MRPL47: variants seen among roughly 807,000 people sequenced by gnomAD.
MRPL47 encodes mitochondrial ribosomal protein L47.
A neutral mutation model predicts 34.0 loss-of-function variants in MRPL47; 31 were observed. The ratio of observed to expected loss-of-function variants is 0.91; its 90% CI spans 0.68 to 1.23. MRPL47 has a LOEUF of 1.23. MRPL47 is among the 50% of genes most tolerant of loss of function. The probability of loss-of-function intolerance (pLI) is 0.00; values close to 1 mark genes in which losing one functional copy is unlikely to be tolerated. For synonymous variants in MRPL47, 106 were observed against 101.6 expected (o/e 1.04, Z -0.26); for missense variants, 328 against 285.8 (o/e 1.15, Z -1.07).
intron 3 of MRPL47, among the ~76,000 whole-genome samples, chr3:179,599,376 A>C (rs989516627): frequency 5.9e-5 from 9 of 152,186 alleles, no homozygotes; most frequent in Admixed American, 5.2e-4. Flanking sequence ...ATGGAAGATA[A>C]ATAACATTTA....
intron 3 of MRPL47, among the ~76,000 whole-genome samples, chr3:179,600,378 T>C (rs1435025981): frequency 6.6e-6 from 1 of 152,022 alleles, no homozygotes; most frequent in African/African-American, 2.4e-5. Flanking sequence ...CGGTGGCTCA[T>C]GCCTATAATC....
chr3:179,600,075 C>T (rs1277018359), intron 3 of MRPL47, among the ~76,000 whole-genome samples: 2 of 151,030 alleles, frequency 1.3e-5, no homozygotes, highest in African/African-American at 4.9e-5. Flanking sequence ...GGGCTGAGAT[C>T]GTGCCATTGC....
At chr3:179,593,695 A>G in intron 5 of MRPL47, 70 bp downstream of exon 5, 1 of 1,450,300 alleles carries the variant, frequency 6.9e-7, no homozygotes. Context: ...TTTTTAAAAG[A>G]TATTGGGCAG....
intron 6 of MRPL47, among the ~76,000 whole-genome samples, chr3:179,592,115 G>A (rs1288501139): frequency 6.6e-6 from 1 of 152,162 alleles, no homozygotes; most frequent in African/African-American, 2.4e-5. Flanking sequence ...TTACAGGCAT[G>A]AGCCAACACG....
In MRPL47 at chr3:179,588,885, GA is replaced by G; in HGVS notation, c.739del (p.Ser247GlnfsTer18). 1 of 1,613,046 alleles carries G rather than the reference GA, an allele frequency of 6.2e-7. No individual in the cohort carries two copies. The highest frequency in any genetic ancestry group is 1.1e-5 in the South Asian group (1 of 90,940). ...KFPHLAEAQKSSLV is the reference protein window; with the variant it reads ...KFPHLAEAQKXSLV ...AGTTCAGACATCTTAGACAAGACTT[GA>G]CTTTTGGGCTTCAGCAAGATGTGGA... On this transcript the variant is annotated frameshift_variant, in exon 7 of 7. Coordinates refer to ENST00000476781, the MANE Select transcript of MRPL47 (RefSeq NM_020409.3). LOFTEE classifies it high-confidence loss of function.
At chr3:179,593,923 T>TCAA in intron 4 of MRPL47, 28 bp from the exon 5 acceptor site, 1 of 1,594,042 alleles carries the variant, frequency 6.3e-7, no homozygotes, top group Non-Finnish European at 8.5e-7. Flanking sequence ...AGATACAATT[T>TCAA]CAACAATCAT....
intron 4 of MRPL47, among the ~76,000 whole-genome samples, chr3:179,595,402 T>C (rs574432558): frequency 1.3e-5 from 2 of 152,308 alleles, no homozygotes; most frequent in South Asian, 4.1e-4. Context: ...CTTCACTAAA[T>C]GCCTTACAGT....
In MRPL47 at chr3:179,598,665, C is replaced by T. The variant is rs780799401; in HGVS notation, c.402+10G>A. The T allele has an allele frequency of 8.9e-6, 14 of 1,577,682 alleles. No homozygotes were observed. In the Middle Eastern group the frequency reaches 5.0e-4, roughly 56 times the overall value. The stretch of plus-strand genomic sequence containing the variant: ...ATGTATACCAGTCTCCAGCCTCTCC[C>T]AATCCTTACCTTATCTAACCGCTCT... On this transcript the variant is annotated intron_variant, in intron 4 of 6. Coordinates refer to ENST00000476781, the MANE Select transcript of MRPL47 (RefSeq NM_020409.3).
chr3:179,599,099 T>A (rs901184837), intron 3 of MRPL47, among the ~76,000 whole-genome samples: 1 of 151,876 alleles, frequency 6.6e-6, no homozygotes, highest in Admixed American at 6.6e-5. Flanking sequence ...AGCCTAGGAA[T>A]TTGAGGCTAT....
At chr3:179,598,429 C>CACACA in intron 4 of MRPL47, among the ~76,000 whole-genome samples, 1 of 118,838 alleles carries the variant, frequency 8.4e-6, no homozygotes, top group African/African-American at 3.1e-5. Flanking sequence ...CACACACAAA[C>CACACA]AAAAAAAAAA....
At chr3:179,598,324 T>C (rs1358487169) in intron 4 of MRPL47, among the ~76,000 whole-genome samples, 1 of 147,510 alleles carries the variant, frequency 6.8e-6, no homozygotes, top group Non-Finnish European at 1.5e-5. Flanking sequence ...GAGGTGGAGG[T>C]TGCAGTGAGC....
chr3:179,595,686 A>G (rs1278395372), intron 4 of MRPL47, among the ~76,000 whole-genome samples: 1 of 152,250 alleles, frequency 6.6e-6, no homozygotes, highest in Admixed American at 6.5e-5. Context: ...GATAGAAAGT[A>G]AATGGCTACC....
chr3:179,592,258 G>A (rs1434981417), intron 6 of MRPL47, among the ~76,000 whole-genome samples: 10 of 152,138 alleles, frequency 6.6e-5, no homozygotes, highest in Admixed American at 1.3e-4. Flanking sequence ...GCAGTGGCGC[G>A]ATCTCTGCTC....
In MRPL47 at chr3:179,598,772, C is replaced by T. The variant is rs765174641; in HGVS notation, c.306-1G>A. 1.3e-6 allele frequency: 2 copies of T among 1,595,890 alleles called. No individual in the cohort carries two copies. The highest frequency in any genetic ancestry group is 1.7e-6 in the Non-Finnish European group (2 of 1,164,202). On this transcript the variant is annotated splice_acceptor_variant, in intron 3 of 6. Transcript: ENST00000476781. LOFTEE classifies it high-confidence loss of function. Reference sequence around the variant, plus strand: ...GTTTCTTTCTTTCAGTAAGACATACCTATACAAAAGAACACAAACCTTGTG... The same window carrying T: ...GTTTCTTTCTTTCAGTAAGACATACTTATACAAAAGAACACAAACCTTGTG...
rs1360858521 is a variant in MRPL47, at chr3:179,588,318, CT to C, written c.*553del. On this transcript the variant is annotated 3_prime_UTR_variant, in exon 7 of 7. Transcript: ENST00000476781. ...ATTAATTACCAGTGGATTGGTAGAACTGCTTTTTATTGACTAGTAAAAGTTA... is the reference window on the plus strand; with the variant it reads ...ATTAATTACCAGTGGATTGGTAGAACGCTTTTTATTGACTAGTAAAAGTTA... The C allele has an allele frequency of 2.8e-5, 7 of 251,170 alleles. No homozygotes were observed. The highest frequency in any genetic ancestry group is 4.5e-5 in the Non-Finnish European group (6 of 134,014). The allele number at this position is 251,170 out of a possible 1,614,324, so 15.6% of individuals were successfully genotyped here.
At chr3:179,597,815 A>T (rs942599472) in intron 4 of MRPL47, among the ~76,000 whole-genome samples, 7 of 152,070 alleles carry the variant, frequency 4.6e-5, no homozygotes, top group East Asian at 1.9e-4. Context: ...TCTCAAAAAA[A>T]TAAAATAAAA....
chr3:179,602,118 G>A (rs572559347), intron 2 of MRPL47, among the ~76,000 whole-genome samples: 1 of 152,280 alleles, frequency 6.6e-6, no homozygotes, highest in African/African-American at 2.4e-5. Flanking sequence ...CCAAGACGGC[G>A]GGCATCACCT....
At chr3:179,591,990 G>A (rs1283481713) in intron 6 of MRPL47, among the ~76,000 whole-genome samples, 1 of 151,934 alleles carries the variant, frequency 6.6e-6, no homozygotes, top group Non-Finnish European at 1.5e-5. Context: ...ATGCTACCAT[G>A]GCCGGCTAAT....
intron 3 of MRPL47, among the ~76,000 whole-genome samples, chr3:179,600,248 T>G (rs1484930488): frequency 6.6e-6 from 1 of 152,244 alleles, no homozygotes; most frequent in Non-Finnish European, 1.5e-5. Context: ...TAATACAACT[T>G]ATTTTTCTAT....
Sources: allele counts gnomAD v4.1 joint callset (sites outside exome capture counted in the v4.1 genomes callset), GRCh38; gene constraint gnomAD v4.1.1; transcripts MANE v1.5; gene names NCBI Gene and HGNC (gene_info 2026-07-23, HGNC 2026-07-21).